FGFRL1: variants seen among roughly 807,000 people sequenced by gnomAD.
FGFRL1 encodes fibroblast growth factor receptor like 1.
Under a neutral mutation model 36.8 loss-of-function variants are expected in FGFRL1, and 24 were observed. The observed-to-expected ratio is 0.65, with a 90% CI of 0.47 to 0.92. The LOEUF is 0.92. Among genes scored for constraint, FGFRL1 ranks in the 40% least tolerant of loss-of-function variants. FGFRL1 has a pLI of 0.00. For missense variants in FGFRL1, 785 were observed against 753.4 expected (o/e 1.04, Z -0.49); for synonymous variants, 422 against 344.1 (o/e 1.23, Z -2.50).
Position 1,012,501 on chromosome 4 carries a change from C to G in FGFRL1, c.16C>G (p.Leu6Val). 1 of 1,569,604 alleles carries G rather than the reference C, an allele frequency of 6.4e-7. No individual in the cohort carries two copies. The change falls in exon 2 of 7, where the codon CTG (leucine) becomes GTG (valine). Residue 6 changes from leucine to valine, a missense_variant. Physicochemically the swap from Leu to Val is conservative, Grantham distance 32. Transcript: ENST00000510644. ...ACAGGCCGAGATGACGCCGAGCCCC[C>G]TGTTGCTGCTCCTGCTGCCGCCGCT... MTPSP[L>V]LLLLLPPLLL... is the part of the protein sequence containing the mutation.
rs748164211 is a variant in FGFRL1 at position 1,025,355 on chromosome 4, C to T, written c.*8C>T. 42 of 1,538,490 alleles carry T rather than the reference C, an allele frequency of 2.7e-5. No individual in the cohort carries two copies. Among genetic ancestry groups the T allele is most frequent in the South Asian group, 3.6e-5 (3 of 83,314 alleles). Reference sequence around the variant, plus strand: ...ATCCACTATCAGTGCTAGACGGCACCGTATCTGCAGTGGGCACGGGGGGGC... The same window carrying T: ...ATCCACTATCAGTGCTAGACGGCACTGTATCTGCAGTGGGCACGGGGGGGC... On this transcript the variant is annotated 3_prime_UTR_variant, in exon 7 of 7. Coordinates refer to ENST00000510644, the MANE Select transcript of FGFRL1 (RefSeq NM_001004356.3).
chr4:1,020,142 C>T (rs943504348), intron 2 of FGFRL1, among the ~76,000 whole-genome samples: 5 of 152,212 alleles, frequency 3.3e-5, no homozygotes, highest in African/African-American at 1.2e-4. Context: ...CAGTGGGAGA[C>T]GTCACAGGGC....
intron 1 of FGFRL1, 88 bp from the exon 2 acceptor site, chr4:1,012,382 C>CCAGA: frequency 1.3e-6 from 2 of 1,485,362 alleles, no homozygotes; most frequent in Non-Finnish European, 1.8e-6. Context: ...GGGAGGGCGG[C>CCAGA]CAGACCCCTG....
upstream of FGFRL1, among the ~76,000 whole-genome samples, chr4:1,010,717 G>T (rs1715537845): frequency 6.6e-6 from 1 of 152,112 alleles, no homozygotes; most frequent in Non-Finnish European, 1.5e-5. Flanking sequence ...GGCGGCTGGA[G>T]GTGCGGCCTG....
intron 2 of FGFRL1, among the ~76,000 whole-genome samples, chr4:1,013,816 C>T (rs901729746): frequency 3.3e-5 from 5 of 152,288 alleles, no homozygotes; most frequent in South Asian, 2.1e-4. Context: ...TGGCAGTGGG[C>T]GGCAGAGCCC....
chr4:1,013,908 G>A (rs540775921), intron 2 of FGFRL1, among the ~76,000 whole-genome samples: 4 of 152,286 alleles, frequency 2.6e-5, no homozygotes, highest in Non-Finnish European at 4.4e-5. Context: ...AGGATATCCA[G>A]CCCTGGCTTT....
chr4:1,017,105 G>A (rs929435271), intron 2 of FGFRL1, among the ~76,000 whole-genome samples: 7 of 152,128 alleles, frequency 4.6e-5, no homozygotes, highest in Non-Finnish European at 8.8e-5. Context: ...CCTCCCTTCT[G>A]GTCAAGGTGA....
chr4:1,024,480 C>G lies in FGFRL1; in HGVS notation c.888C>G (p.Ile296Met), dbSNP rs757035366. ...CCGAGGGCCGCCACAACTCCACCATCGATGTGGGCGGCCAGAAGTTTGTGG... is the reference window on the plus strand; with the variant it reads ...CCGAGGGCCGCCACAACTCCACCATGGATGTGGGCGGCCAGAAGTTTGTGG... The part of the protein sequence containing the change: ...YGAEGRHNST[I>M]DVGGQKFVVL... Residue 296 changes from isoleucine to methionine, a missense_variant, in exon 6 of 7, where the codon ATC (isoleucine) becomes ATG (methionine). Ile to Met is a conservative substitution (Grantham distance 10). Transcript: ENST00000510644. The G allele has an allele frequency of 6.2e-7, 1 of 1,612,420 alleles. No individual in the cohort carries two copies. Among genetic ancestry groups the G allele is most frequent in the Non-Finnish European group, 8.5e-7 (1 of 1,179,852 alleles).
intron 2 of FGFRL1, among the ~76,000 whole-genome samples, chr4:1,014,863 C>T (rs977196986): frequency 1.3e-5 from 2 of 152,232 alleles, no homozygotes; most frequent in African/African-American, 4.8e-5. Flanking sequence ...AAATCACTGT[C>T]CCCTTGGGGG....
chr4:1,025,593 A>G lies in FGFRL1; in HGVS notation c.*246A>G. On this transcript the variant is annotated 3_prime_UTR_variant, in exon 7 of 7. Coordinates refer to ENST00000510644, the MANE Select transcript of FGFRL1 (RefSeq NM_001004356.3). The stretch of plus-strand genomic sequence containing the variant: ...TGAAGGCACACGTACGCACACACGC[A>G]CATGCACAGATATGCCGCCTGGGCA... 1.7e-6 allele frequency: 1 copy of G among 580,532 alleles called. No homozygotes were observed. Among genetic ancestry groups the G allele is most frequent in the Non-Finnish European group, 3.0e-6 (1 of 330,898 alleles). 36.0% of individuals were successfully genotyped at this position (580,532 alleles called of 1,614,324 possible).
At chr4:1,012,278 G>A (rs560846710) in intron 1 of FGFRL1, 192 bp from the exon 2 acceptor site, 5 of 514,368 alleles carry the variant, frequency 9.7e-6, no homozygotes, top group African/African-American at 4.4e-5. Flanking sequence ...GGGGAGCCCG[G>A]TAATTAGTGT....
rs146456013 is a variant in FGFRL1, at chr4:1,023,312, C to T, written c.353-329C>T. 8.1e-4 allele frequency among the ~76,000 whole-genome samples: 124 copies of T among 152,220 alleles called. No individual in the cohort carries two copies. Among genetic ancestry groups the T allele is most frequent in the Non-Finnish European group, 1.3e-3 (91 of 67,968 alleles). On this transcript the variant is annotated intron_variant, in intron 3 of 6. Transcript: ENST00000510644. This position sits in a 1 kb window ranked among gnomAD's most constrained non-coding sequence, Gnocchi z 6.0. ...GTCTCGTCTGTTCACCAGCCCTCGG[C>T]CCCTTGATGTAGGCTAGGGTTACTG... is the stretch of plus-strand genomic sequence containing the variant.
chr4:1,022,372 G>C lies in FGFRL1; in HGVS notation c.249G>C (p.Gly83=). The C allele has an allele frequency of 6.2e-7, 1 of 1,610,656 alleles. No homozygotes were observed. Among genetic ancestry groups the C allele is most frequent in the Non-Finnish European group, 8.5e-7 (1 of 1,179,130 alleles). ...GWSRFRVLPQ[G]LKVKQVERED... is the part of the protein sequence containing the mutation. Reference sequence around the variant, plus strand: ...GCCGCTTCCGCGTGCTGCCGCAGGGGCTGAAGGTGAAGCAGGTGGAGCGGG... The same window carrying C: ...GCCGCTTCCGCGTGCTGCCGCAGGGCCTGAAGGTGAAGCAGGTGGAGCGGG... Residue 83 remains glycine, a synonymous_variant, in exon 3 of 7, where the codon GGG becomes GGC. Transcript: ENST00000510644.
intron 2 of FGFRL1, among the ~76,000 whole-genome samples, chr4:1,014,500 C>T (rs1715780462): frequency 6.6e-6 from 1 of 152,238 alleles, no homozygotes; most frequent in South Asian, 2.1e-4. Context: ...CTGTCCTCTG[C>T]ACCCGGCCAG....
At position 1,019,879 on chromosome 4, in the gene FGFRL1, A is replaced by G. The variant is rs564043385; in HGVS notation, c.80-2324A>G. On this transcript the variant is annotated intron_variant, in intron 2 of 6. Transcript: ENST00000510644. Reference sequence around the variant, plus strand: ...GGCCGGGTGAGCCAGGGCTGAGAAGAATCCCTCCCTCCAGAGCCTCAGCCC... The same window carrying G: ...GGCCGGGTGAGCCAGGGCTGAGAAGGATCCCTCCCTCCAGAGCCTCAGCCC... Among the ~76,000 whole-genome samples, 398 of 152,300 alleles carry G rather than the reference A, an allele frequency of 2.6e-3. 1 individual carries two copies. The highest frequency in any genetic ancestry group is 9.0e-3 in the African/African-American group (376 of 41,552).
chr4:1,024,086 A>C lies in FGFRL1; in HGVS notation c.703A>C (p.Lys235Gln). Residue 235 changes from lysine (K) to glutamine (Q), a missense_variant, in exon 5 of 7, where the codon AAG (lysine) becomes CAG (glutamine). By Grantham distance (53) the Lys-to-Gln change is moderately conservative. Transcript: ENST00000510644. The part of the protein sequence containing the change: ...NRAGAINATY[K>Q]VDVIQRTRSK... The stretch of plus-strand genomic sequence containing the variant: ...CGCGGGCGCCATCAACGCCACCTAC[A>C]AGGTGGATGTGATCCGTGAGTGTGG... The C allele has an allele frequency of 6.3e-7, 1 of 1,587,016 alleles. No individual in the cohort carries two copies. The highest frequency in any genetic ancestry group is 1.1e-5 in the South Asian group (1 of 89,238).
chr4:1,022,145 C>T (rs1716216596), intron 2 of FGFRL1, 58 bp from the exon 3 acceptor site: 17 of 1,349,648 alleles, frequency 1.3e-5, no homozygotes, highest in Non-Finnish European at 1.6e-5. Flanking sequence ...TTTGACCGCC[C>T]CCCCGGCTCC....
At chr4:1,020,550 C>A (rs1023375658) in intron 2 of FGFRL1, among the ~76,000 whole-genome samples, 1 of 148,650 alleles carries the variant, frequency 6.7e-6, no homozygotes, top group Non-Finnish European at 1.5e-5. Flanking sequence ...CCCACTGGGG[C>A]TGGTCACACA....
intron 5 of FGFRL1, 34 bp from the exon 6 acceptor site, chr4:1,024,277 C>G: frequency 1.3e-6 from 2 of 1,555,092 alleles, no homozygotes; most frequent in East Asian, 4.5e-5. Context: ...CCGGCGCGGC[C>G]CAGGAGCCAT....
Sources: allele counts gnomAD v4.1 joint callset (sites outside exome capture counted in the v4.1 genomes callset), GRCh38; gene constraint gnomAD v4.1.1; non-coding constraint Gnocchi (gnomAD v3.1); transcripts MANE v1.5; gene names NCBI Gene and HGNC (gene_info 2026-07-23, HGNC 2026-07-21).